The following BTNL9 variants were observed in gnomAD, a reference collection of about 807,000 sequenced individuals.
BTNL9 encodes butyrophilin like 9.
In BTNL9, 45 loss-of-function variants were observed where a neutral mutation model predicts 45.8. The observed-to-expected ratio is 0.98, with a 90% CI of 0.77 to 1.26. BTNL9 has a LOEUF of 1.26. Among genes scored for constraint, BTNL9 ranks in the 50% most tolerant of loss-of-function variants. BTNL9 has a pLI of 0.00. For missense variants in BTNL9, 784 were observed against 729.7 expected, an observed-to-expected ratio of 1.07 and a Z score of -0.86; for synonymous variants, 346 against 330.8, an observed-to-expected ratio of 1.05 and a Z score of -0.50.
In BTNL9 at chr5:181,060,567, A is replaced by T. The variant is rs926943784; in HGVS notation, c.*705A>T. ...AACACACTGAATAAAAACATAATCC[A>T]TGAGTTCATGCTGATACTCAAATTT... On this transcript the variant is annotated 3_prime_UTR_variant, in exon 11 of 11. Transcript: ENST00000327705. 5 of 152,236 alleles carry T rather than the reference A, an allele frequency of 3.3e-5. No individual in the cohort carries two copies. Among genetic ancestry groups the T allele is most frequent in the African/African-American group, 1.2e-4 (5 of 41,456 alleles). 9.4% of individuals were successfully genotyped at this position (152,236 alleles called of 1,614,324 possible).
Position 181,055,347 on chromosome 5 carries a change from A to G in BTNL9, c.908-86A>G. On this transcript the variant is annotated intron_variant, in intron 7 of 10. Transcript: ENST00000327705. The surrounding 1 kb of genome is among the most constrained non-coding windows in gnomAD (Gnocchi z 4.4). ...CTGTGATTAGCAGTGGCTTAAGACT[A>G]AGGAAGCTCTTCCCAGTGGCCTGTC... The G allele has an allele frequency of 6.2e-7, 1 of 1,610,608 alleles. No homozygotes were observed. Among genetic ancestry groups the G allele is most frequent in the Non-Finnish European group, 8.5e-7 (1 of 1,178,976 alleles).
intron 1 of BTNL9, among the ~76,000 whole-genome samples, chr5:181,044,909 TC>T (rs1638383048): frequency 6.6e-6 from 1 of 152,110 alleles, no homozygotes; most frequent in Admixed American, 6.5e-5. Flanking sequence ...GAGGAGAGTG[TC>T]CTAGGATGTC....
chr5:181,052,320 C>A (rs1185236494), intron 4 of BTNL9, among the ~76,000 whole-genome samples: 1 of 151,920 alleles, frequency 6.6e-6, no homozygotes, highest in Admixed American at 6.6e-5. Flanking sequence ...GGGGCTTGGG[C>A]GTGGGAAGAG....
rs1350640267 is a variant in BTNL9, at chr5:181,059,227, C to A, written c.983-10C>A. 6.5e-7 allele frequency: 1 copy of A among 1,534,264 alleles called. No individual in the cohort carries two copies. The highest frequency in any genetic ancestry group is 1.9e-5 in the Admixed American group (1 of 51,416). Reference sequence around the variant, plus strand: ...TCCCGGGCGGGCACTAACGCTGTGGCTCTGCGCAGTGGATGTGACGCTGGA... The same window carrying A: ...TCCCGGGCGGGCACTAACGCTGTGGATCTGCGCAGTGGATGTGACGCTGGA... On this transcript the variant is annotated splice_polypyrimidine_tract_variant and intron_variant, in intron 10 of 10. Coordinates refer to ENST00000327705, the MANE Select transcript of BTNL9 (RefSeq NM_152547.5).
chr5:181,053,519 GT>G lies in BTNL9; in HGVS notation c.886+20del. On this transcript the variant is annotated intron_variant, in intron 6 of 10. Coordinates refer to ENST00000327705, the MANE Select transcript of BTNL9 (RefSeq NM_152547.5). This position sits in a 1 kb window ranked among gnomAD's most constrained non-coding sequence, Gnocchi z 6.5. ...GAGACAAGGTGAGCGGGGACAGGGC[GT>G]TCTGCACGCACCTGCCCAAGTGCCA... is the stretch of plus-strand genomic sequence containing the variant. 1.3e-6 allele frequency: 2 copies of G among 1,571,342 alleles called. No homozygotes were observed. The highest frequency in any genetic ancestry group is 1.7e-6 in the Non-Finnish European group (2 of 1,158,144).
intron 2 of BTNL9, among the ~76,000 whole-genome samples, chr5:181,046,445 G>C (rs1276640065): frequency 6.6e-6 from 1 of 152,172 alleles, no homozygotes; most frequent in African/African-American, 2.4e-5. Flanking sequence ...TGAACCCATT[G>C]ATATACGTTT....
chr5:181,051,080 AAAAAAAAAC>A (rs1444544975), intron 4 of BTNL9, among the ~76,000 whole-genome samples: 1 of 87,944 alleles, frequency 1.1e-5, no homozygotes, highest in African/African-American at 4.2e-5. Flanking sequence ...ATCCGTCTCA[AAAAAAAAAC>A]AAAAAAAAAA....
At chr5:181,058,095 C>T (rs1761976161) in intron 9 of BTNL9, among the ~76,000 whole-genome samples, 1 of 152,196 alleles carries the variant, frequency 6.6e-6, no homozygotes, top group Non-Finnish European at 1.5e-5. Context: ...ACATGCTCCA[C>T]TCTCCTGCTT....
chr5:181,053,909 G>C lies in BTNL9; in HGVS notation c.887-330G>C. ...TCAGGAAGCGGCGGTCAGGCACCGA[G>C]AAAACAGCCCAGTTACGTGAGGCAG... On this transcript the variant is annotated intron_variant, in intron 6 of 10. Transcript: ENST00000327705. The surrounding 1 kb of genome is among the most constrained non-coding windows in gnomAD (Gnocchi z 6.5). The C allele has an allele frequency of 6.6e-7, 1 of 1,510,110 alleles. No homozygotes were observed. The highest frequency in any genetic ancestry group is 1.2e-5 in the South Asian group (1 of 82,954). The allele number at this position is 1,510,110 out of a possible 1,614,324, so 93.5% of individuals were successfully genotyped here.
chr5:181,059,878 G>C lies in BTNL9; in HGVS notation c.*16G>C. Reference sequence around the variant, plus strand: ...CTGGTGGTGAGGCGCCCTCGTGGCCGCGGGACTGGCCCCGGGGGGCCCCCT... The same window carrying C: ...CTGGTGGTGAGGCGCCCTCGTGGCCCCGGGACTGGCCCCGGGGGGCCCCCT... On this transcript the variant is annotated 3_prime_UTR_variant, in exon 11 of 11. Transcript: ENST00000327705. 4 of 1,491,002 alleles carry C rather than the reference G, an allele frequency of 2.7e-6. No individual in the cohort carries two copies. Among genetic ancestry groups the C allele is most frequent in the Non-Finnish European group, 3.5e-6 (4 of 1,127,252 alleles). 92.4% of individuals were successfully genotyped at this position (1,491,002 alleles called of 1,614,324 possible).
At chr5:181,043,535 T>G (rs766935123) in intron 1 of BTNL9, 1 of 152,258 alleles carries the variant, frequency 6.6e-6, no homozygotes, top group Admixed American at 6.5e-5. Context: ...TACCACCTTA[T>G]GAGCAGACCT....
At position 181,055,131 on chromosome 5, in the gene BTNL9, T is replaced by C; in HGVS notation, c.908-302T>C. ...AGCTCCGCCCCAGGAAGCTTGTGAT[T>C]TCAGGCAGAAGGAACAACCCCAACC... On this transcript the variant is annotated intron_variant, in intron 7 of 10. Transcript: ENST00000327705. The surrounding 1 kb of genome is among the most constrained non-coding windows in gnomAD (Gnocchi z 4.4). 8.5e-7 allele frequency: 1 copy of C among 1,178,508 alleles called. No homozygotes were observed. Among genetic ancestry groups the C allele is most frequent in the Non-Finnish European group, 1.1e-6 (1 of 952,122 alleles). 73.0% of individuals were successfully genotyped at this position (1,178,508 alleles called of 1,614,324 possible).
chr5:181,055,985 TCA>T lies in BTNL9; in HGVS notation c.929-3_929-2del. The T allele has an allele frequency of 6.2e-7, 1 of 1,614,176 alleles. No individual in the cohort carries two copies. Among genetic ancestry groups the T allele is most frequent in the Non-Finnish European group, 8.5e-7 (1 of 1,180,030 alleles). Reference sequence around the variant, plus strand: ...AATTTCCTGTTTTCCCTTGGTTGCTTCAGACTGGAGACGGGCTGAAGGCCAGG... The same window carrying T: ...AATTTCCTGTTTTCCCTTGGTTGCTTGACTGGAGACGGGCTGAAGGCCAGG... On this transcript the variant is annotated splice_acceptor_variant and splice_polypyrimidine_tract_variant and intron_variant, in intron 8 of 10. Coordinates refer to ENST00000327705, the MANE Select transcript of BTNL9 (RefSeq NM_152547.5). LOFTEE classifies it high-confidence loss of function. The surrounding 1 kb of genome is among the most constrained non-coding windows in gnomAD (Gnocchi z 4.4).
At chr5:181,049,253 T>C (rs922408446) in intron 3 of BTNL9, among the ~76,000 whole-genome samples, 2 of 152,104 alleles carry the variant, frequency 1.3e-5, no homozygotes, top group Admixed American at 6.6e-5. Flanking sequence ...GAAAAAAGCA[T>C]ATGTATGAGT....
chr5:181,050,044 C>T lies in BTNL9; in HGVS notation c.455-44C>T, dbSNP rs750084667. 3 of 1,580,734 alleles carry T rather than the reference C, an allele frequency of 1.9e-6. No homozygotes were observed. The highest frequency in any genetic ancestry group is 1.7e-6 in the Non-Finnish European group (2 of 1,163,646). On this transcript the variant is annotated intron_variant, in intron 3 of 10. Coordinates refer to ENST00000327705, the MANE Select transcript of BTNL9 (RefSeq NM_152547.5). The surrounding 1 kb of genome is among the most constrained non-coding windows in gnomAD (Gnocchi z 4.9). ...GTGGCAGGAATGTTATGCGTGATTT[C>T]TCAGAAGAAGCCTGACCTTTCCCAC...
In BTNL9 at chr5:181,060,083, G is replaced by T; in HGVS notation, c.*221G>T. On this transcript the variant is annotated 3_prime_UTR_variant, in exon 11 of 11. Transcript: ENST00000327705. ...GCTCGTTTGTGGATTGTGGGACTGA[G>T]CGAAGGAGTACAAATATATCCACGT... 1 of 573,778 alleles carries T rather than the reference G, an allele frequency of 1.7e-6. No individual in the cohort carries two copies. Among genetic ancestry groups the T allele is most frequent in the Non-Finnish European group, 3.1e-6 (1 of 327,796 alleles). The allele number at this position is 573,778 out of a possible 1,614,324, so 35.5% of individuals were successfully genotyped here. A position where few individuals can be genotyped will look rare whatever the true frequency, so the allele number is the denominator to read the frequency against.
At position 181,042,563 on chromosome 5, in the gene BTNL9, G is replaced by A. The variant is rs373032900; in HGVS notation, c.-24+2131G>A. 3.9e-5 allele frequency among the ~76,000 whole-genome samples: 6 copies of A among 152,116 alleles called. No individual in the cohort carries two copies. Among genetic ancestry groups the A allele is most frequent in the South Asian group, 4.2e-4 (2 of 4,816 alleles). Reference sequence around the variant, plus strand: ...GGGAGGAGGGTGCTGTCCAGGAGCCGCTGACTTTTCCCTTCAGGAAGCTGC... The same window carrying A: ...GGGAGGAGGGTGCTGTCCAGGAGCCACTGACTTTTCCCTTCAGGAAGCTGC... On this transcript the variant is annotated intron_variant, in intron 1 of 10. Coordinates refer to ENST00000327705, the MANE Select transcript of BTNL9 (RefSeq NM_152547.5). This position sits in a 1 kb window ranked among gnomAD's most constrained non-coding sequence, Gnocchi z 4.5.
chr5:181,046,564 T>C (rs958007348), intron 2 of BTNL9, among the ~76,000 whole-genome samples: 2 of 152,196 alleles, frequency 1.3e-5, no homozygotes, highest in Admixed American at 6.5e-5. Context: ...AAACCAGGAA[T>C]ACCAAGGTGA....
intron 9 of BTNL9, among the ~76,000 whole-genome samples, chr5:181,056,329 A>G (rs1761881480): frequency 6.6e-6 from 1 of 152,084 alleles, no homozygotes; most frequent in African/African-American, 2.4e-5. Context: ...ACCTCCCTCT[A>G]TTCACCCATA....
Sources: allele counts gnomAD v4.1 joint callset (sites outside exome capture counted in the v4.1 genomes callset), GRCh38; gene constraint gnomAD v4.1.1; non-coding constraint Gnocchi (gnomAD v3.1); transcripts MANE v1.5; gene names NCBI Gene and HGNC (gene_info 2026-07-23, HGNC 2026-07-21).